UNC45A: variants seen among roughly 807,000 people sequenced by gnomAD.
UNC45A encodes protein unc-45 homolog A.
Under a neutral mutation model 103.2 loss-of-function variants are expected in UNC45A, and 78 were observed. The observed-to-expected ratio is 0.76, with a 90% CI of 0.63 to 0.91. The LOEUF (loss-of-function observed/expected upper bound fraction) is 0.91. Among genes scored for constraint, UNC45A ranks in the 40% least tolerant of loss-of-function variants. The pLI is 0.00. For missense variants in UNC45A, 1,193 were observed against 1,224.8 expected (o/e 0.97, Z 0.39); for synonymous variants, 495 against 504.6 (o/e 0.98, Z 0.25).
chr15:90,942,818 C>G (rs542786254), intron 7 of UNC45A, 94 bp from the exon 8 acceptor site: 9 of 1,523,196 alleles, frequency 5.9e-6, no homozygotes, highest in Non-Finnish European at 8.0e-6. Context: ...CGGATCCCCC[C>G]TTCCCTGTGT....
rs1223917379 is a variant in UNC45A at position 90,947,783 on chromosome 15, C to T, written c.1501-13C>T. The T allele has an allele frequency of 1.2e-6, 2 of 1,611,422 alleles. No homozygotes were observed. The highest frequency in any genetic ancestry group is 1.3e-5 in the African/African-American group (1 of 74,852). Reference sequence around the variant, plus strand: ...TTCCCCAGAGGCCAACTGGTCTTGCCCTCTTCCTCCAGGGACTCTGTAAGC... The same window carrying T: ...TTCCCCAGAGGCCAACTGGTCTTGCTCTCTTCCTCCAGGGACTCTGTAAGC... On this transcript the variant is annotated splice_polypyrimidine_tract_variant and intron_variant, in intron 10 of 19. Coordinates refer to ENST00000418476, the MANE Select transcript of UNC45A (RefSeq NM_018671.5).
rs2036362086 is a variant in UNC45A at position 90,942,813 on chromosome 15, C to T, written c.857-99C>T. 10 of 1,500,456 alleles carry T rather than the reference C, an allele frequency of 6.7e-6. 1 individual carries two copies. The highest frequency in any genetic ancestry group is 6.2e-5 in the Admixed American group (3 of 48,694). The allele number at this position is 1,500,456 out of a possible 1,614,324, so 92.9% of individuals were successfully genotyped here. A position where few individuals can be genotyped will look rare whatever the true frequency, so the allele number is the denominator to read the frequency against. ...TCAGTCTGGAGCCTGGGATGCGGAT[C>T]CCCCCTTCCCTGTGTCTCCCTGGTT... is the stretch of plus-strand genomic sequence containing the variant. On this transcript the variant is annotated intron_variant, in intron 7 of 19. Coordinates refer to ENST00000418476, the MANE Select transcript of UNC45A (RefSeq NM_018671.5).
At chr15:90,951,025 T>C (rs984346131) in intron 17 of UNC45A, among the ~76,000 whole-genome samples, 11 of 152,142 alleles carry the variant, frequency 7.2e-5, no homozygotes, top group Admixed American at 2.0e-4. Flanking sequence ...TTTTTTTCTT[T>C]GAGACGGAGT....
At chr15:90,940,190 G>T in intron 5 of UNC45A, 116 bp from the exon 6 acceptor site, 1 of 1,190,248 alleles carries the variant, frequency 8.4e-7, no homozygotes. Context: ...TTTGGCCGTG[G>T]TCACTCAACT....
upstream of UNC45A, chr15:90,932,683 C>T: frequency 2.3e-6 from 1 of 438,576 alleles, no homozygotes; most frequent in Non-Finnish European, 3.8e-6. Context: ...TCCTCTGGAG[C>T]TGACCGGCCC....
chr15:90,932,648 C>G (rs1286165425), upstream of UNC45A: 1 of 606,630 alleles, frequency 1.6e-6, no homozygotes, highest in Non-Finnish European at 2.4e-6. Flanking sequence ...TTCAGCGGGC[C>G]GAGTTGGGCC....
At chr15:90,931,753 C>T, upstream of UNC45A, 1 of 1,614,136 alleles carries the variant, frequency 6.2e-7, no homozygotes, top group South Asian at 1.1e-5. Flanking sequence ...GCTTGTCTGC[C>T]AGCTTCACCA....
rs538456642 is a variant in UNC45A, at chr15:90,948,278, A to G, written c.1732A>G (p.Ser578Gly). 2 of 1,613,720 alleles carry G rather than the reference A, an allele frequency of 1.2e-6. No individual in the cohort carries two copies. Among genetic ancestry groups the G allele is most frequent in the Non-Finnish European group, 1.7e-6 (2 of 1,180,044 alleles). ...TGCTCTGAAAGCTCTGTTCCAGCTCAGCAGGGTAGCTCTGTGGTTCCTGCC... is the reference window on the plus strand; with the variant it reads ...TGCTCTGAAAGCTCTGTTCCAGCTCGGCAGGGTAGCTCTGTGGTTCCTGCC... ...AAALKALFQL[S>G]RLEERSVLFA... The change falls in exon 12 of 20, where the codon AGC (serine) becomes GGC (glycine). Residue 578 changes from serine (S) to glycine (G), a missense_variant. By Grantham distance (56) the Ser-to-Gly change is moderately conservative. Coordinates refer to ENST00000418476, the MANE Select transcript of UNC45A (RefSeq NM_018671.5).
chr15:90,938,265 C>T (rs951106127), intron 4 of UNC45A, among the ~76,000 whole-genome samples: 2 of 151,788 alleles, frequency 1.3e-5, no homozygotes, highest in African/African-American at 2.4e-5. Context: ...GTGTAAAATA[C>T]GTATATTTTT....
chr15:90,935,415 G>C, intron 1 of UNC45A, 40 bp downstream of exon 1: 1 of 1,580,622 alleles, frequency 6.3e-7, no homozygotes, highest in Non-Finnish European at 8.6e-7. Flanking sequence ...CTTCGCACCC[G>C]CCCTGACCAT....
At chr15:90,945,938 C>T (rs546106142) in intron 9 of UNC45A, among the ~76,000 whole-genome samples, 15 of 149,100 alleles carry the variant, frequency 1.0e-4, no homozygotes, top group East Asian at 8.1e-4. Context: ...CGCGTCCAGG[C>T]GACAGTCCTT....
Position 90,950,249 on chromosome 15 carries a change from G to T in UNC45A, c.2169G>T (p.Met723Ile). 6.4e-7 allele frequency: 1 copy of T among 1,551,748 alleles called. No homozygotes were observed. Among genetic ancestry groups the T allele is most frequent in the Non-Finnish European group, 8.7e-7 (1 of 1,147,006 alleles). The change falls in exon 16 of 20, where the codon ATG becomes ATT. Residue 723 changes from methionine (M) to isoleucine (I), a missense_variant. By Grantham distance (10) the Met-to-Ile change is conservative. Coordinates refer to ENST00000418476, the MANE Select transcript of UNC45A (RefSeq NM_018671.5). ...TCACCATCACCTCCAACCCGGAGAT[G>T]ACCTTCCCTGGCGAGCGGGTACGTG... ...AKLTITSNPEMTFPGERIYEV... is the reference protein window; with the variant it reads ...AKLTITSNPEITFPGERIYEV...
At chr15:90,948,579 C>T in intron 12 of UNC45A, 75 bp from the exon 13 acceptor site, 5 of 1,567,554 alleles carry the variant, frequency 3.2e-6, no homozygotes, top group South Asian at 1.2e-5. Flanking sequence ...AATTGGGGGC[C>T]TGGGCCTGGG....
chr15:90,931,780 A>G, upstream of UNC45A: 1 of 1,614,106 alleles, frequency 6.2e-7, no homozygotes, highest in South Asian at 1.1e-5. Context: ...CCCCGGGGCT[A>G]CTGTGGGGCG....
At chr15:90,947,976 C>CCT (rs10635983) in intron 11 of UNC45A, 86 bp downstream of exon 11, 701,880 of 1,480,686 alleles carry the variant, frequency 0.47, 186,689 homozygotes, top group East Asian at 1. Flanking sequence ...GGGCCTCCTC[C>CCT]GTCCTGCTCT....
chr15:90,939,921 A>G (rs1331003400), intron 5 of UNC45A, 98 bp downstream of exon 5: 24 of 1,164,916 alleles, frequency 2.1e-5, no homozygotes, highest in Non-Finnish European at 2.7e-5. Context: ...CGCTCCTCCA[A>G]TCGTGCAGCT....
intron 8 of UNC45A, among the ~76,000 whole-genome samples, chr15:90,943,986 GTT>G (rs953436599): frequency 4.2e-3 from 329 of 78,310 alleles, no homozygotes; most frequent in African/African-American, 0.015. Context: ...ATTGTGCCCT[GTT>G]TTTTTTTTTT....
chr15:90,949,281 C>G (rs1474775548), intron 13 of UNC45A, 35 bp from the exon 14 acceptor site: 4 of 1,603,132 alleles, frequency 2.5e-6, no homozygotes, highest in Non-Finnish European at 3.4e-6. Flanking sequence ...TGTGAGTCAG[C>G]CTAGGCCCCT....
chr15:90,954,072 A>G lies in UNC45A; in HGVS notation c.*356A>G. 3.1e-6 allele frequency: 1 copy of G among 320,352 alleles called. No homozygotes were observed. Among genetic ancestry groups the G allele is most frequent in the South Asian group, 3.1e-5 (1 of 31,980 alleles). 19.8% of individuals were successfully genotyped at this position (320,352 alleles called of 1,614,324 possible). On this transcript the variant is annotated 3_prime_UTR_variant, in exon 20 of 20. Coordinates refer to ENST00000418476, the MANE Select transcript of UNC45A (RefSeq NM_018671.5). ...AGCCTGCTATCAGGCCTGCCCCTCC[A>G]ATAAAAGTGTGTAGAACTCCACTGT...
Sources: allele counts gnomAD v4.1 joint callset (sites outside exome capture counted in the v4.1 genomes callset), GRCh38; gene constraint gnomAD v4.1.1; transcripts MANE v1.5; gene names NCBI Gene and HGNC (gene_info 2026-07-23, HGNC 2026-07-21).